The following ADNP variants were observed in gnomAD, a reference collection of about 807,000 sequenced individuals.
The protein encoded by ADNP is activity dependent neuroprotector homeobox.
A neutral mutation model predicts 84.9 loss-of-function variants in ADNP; 4 were observed. The observed-to-expected ratio is 0.05, with a 90% CI of 0.02 to 0.11. ADNP has a LOEUF of 0.11. ADNP is among the 10% of genes least tolerant of loss of function. The pLI is 1.00. For missense variants in ADNP, 1,132 were observed against 1,326.0 expected, an observed-to-expected ratio of 0.85 and a Z score of 2.27; for synonymous variants, 554 against 468.1, an observed-to-expected ratio of 1.18 and a Z score of -2.37.
At chr20:50,920,722 G>A (rs1336180949) in intron 2 of ADNP, among the ~76,000 whole-genome samples, 1 of 152,004 alleles carries the variant, frequency 6.6e-6, no homozygotes, top group Non-Finnish European at 1.5e-5. Context: ...AGGATACTGG[G>A]GTAAGAGTAA....
At position 50,894,309 on chromosome 20, in the gene ADNP, T is replaced by C. The variant is rs752831684; in HGVS notation, c.405A>G (p.Ala135=). The part of the protein sequence containing the change: ...IKIFHAPNAS[A]PSSSLSTFKD... ...TGAAAGTGCTGAGGCTGCTACTTGG[T>C]GCGCTGGCGTTCGGAGCATGAAATA... Residue 135 remains alanine, a synonymous_variant, in exon 6 of 6, where the codon GCA becomes GCG. Coordinates refer to ENST00000621696, the MANE Select transcript of ADNP (RefSeq NM_001282531.3). The C allele has an allele frequency of 6.8e-6, 11 of 1,613,830 alleles. No homozygotes were observed. Among genetic ancestry groups the C allele is most frequent in the Middle Eastern group, 1.7e-4 (1 of 6,058 alleles).
At chr20:50,898,448 T>TTGTG (rs774243454) in intron 5 of ADNP, among the ~76,000 whole-genome samples, 2 of 152,180 alleles carry the variant, frequency 1.3e-5, no homozygotes, top group Non-Finnish European at 2.9e-5. Flanking sequence ...CATCAGAAGC[T>TTGTG]TGTGTGTGTC....
At position 50,894,231 on chromosome 20, in the gene ADNP, C is replaced by T. The variant is rs148101672; in HGVS notation, c.483G>A (p.Glu161=). Residue 161 remains glutamate, a synonymous_variant, in exon 6 of 6, where the codon GAG becomes GAA. Coordinates refer to ENST00000621696, the MANE Select transcript of ADNP (RefSeq NM_001282531.3). ...GLKPKQADSV[E]QAVYYCKKCT... Reference sequence around the variant, plus strand: ...ACTTCTTACAGTAATAAACAGCTTGCTCTACACTGTCAGCCTGCTTAGGTT... The same window carrying T: ...ACTTCTTACAGTAATAAACAGCTTGTTCTACACTGTCAGCCTGCTTAGGTT... The T allele has an allele frequency of 3.1e-5, 50 of 1,613,798 alleles. No homozygotes were observed. The highest frequency in any genetic ancestry group is 3.7e-5 in the Non-Finnish European group (44 of 1,179,962).
rs6096162 is a variant in ADNP, at chr20:50,891,588, C to T, written c.3126G>A (p.Lys1042=). Residue 1042 remains lysine, a synonymous_variant, in exon 6 of 6, where the codon AAG becomes AAA. Transcript: ENST00000621696. ...ATGCATTCTTCCACTGTGACTGGTC[C>T]TTAGACCAAAACCCTTCAACTTTTC... ...SYGKVEGFWS[K]DQSQWKNASE... The T allele has an allele frequency of 2.5e-6, 4 of 1,613,266 alleles. No individual in the cohort carries two copies. The highest frequency in any genetic ancestry group is 3.4e-6 in the Non-Finnish European group (4 of 1,180,034).
intron 2 of ADNP, among the ~76,000 whole-genome samples, chr20:50,916,845 T>C (rs1222472290): frequency 1.3e-5 from 2 of 152,144 alleles, no homozygotes; most frequent in African/African-American, 4.8e-5. Flanking sequence ...GCATTCTGTT[T>C]CTGAAATGAG....
At position 50,911,091 on chromosome 20, in the gene ADNP, A is replaced by C. The variant is rs1304035186; in HGVS notation, c.-89-6242T>G. Among the ~76,000 whole-genome samples the C allele has an allele frequency of 3.3e-5, 5 of 152,334 alleles. No homozygotes were observed. The East Asian group carries it at 9.6e-4, about 29-fold the overall frequency. Reference sequence around the variant, plus strand: ...ACTAATCCAGGCCCATATCCTATTCATGTGCTTTCTTACAAAGCAAGAGTC... The same window carrying C: ...ACTAATCCAGGCCCATATCCTATTCCTGTGCTTTCTTACAAAGCAAGAGTC... On this transcript the variant is annotated intron_variant, in intron 2 of 5. Transcript: ENST00000621696.
chr20:50,910,706 G>T (rs1258494530), intron 2 of ADNP, among the ~76,000 whole-genome samples: 1 of 152,132 alleles, frequency 6.6e-6, no homozygotes, highest in African/African-American at 2.4e-5. Context: ...CCAGGCTGGA[G>T]TGCAGTGGTA....
rs746480446 is a variant in ADNP, at chr20:50,891,425, G to A, written c.3289C>T (p.Leu1097=). The change falls in exon 6 of 6, where the codon CTG becomes TTG. Residue 1097 remains leucine (L), a synonymous_variant. Coordinates refer to ENST00000621696, the MANE Select transcript of ADNP (RefSeq NM_001282531.3). ...GGCACTTAGGCCTGTTGGCTGCTCA[G>A]TTTAACTCCGGCTAAGCTGCCATGC... ...PMHGSLAGVK[L]SSQQA is the part of the protein sequence containing the mutation. 6.2e-7 allele frequency: 1 copy of A among 1,609,658 alleles called. No homozygotes were observed. Among genetic ancestry groups the A allele is most frequent in the East Asian group, 2.2e-5 (1 of 44,878 alleles).
Position 50,893,217 on chromosome 20 carries a change from G to C in ADNP, c.1497C>G (p.Pro499=), listed in dbSNP as rs754872541. Residue 499 remains proline (P), a synonymous_variant, in exon 6 of 6, where the codon CCC becomes CCG. Transcript: ENST00000621696. The surrounding 1 kb of genome is among the most constrained non-coding windows in gnomAD (Gnocchi z 4.4). Reference sequence around the variant, plus strand: ...ACATATGGTTGAGCAGAGTATCTGTGGGTAAATAGCGATTACAGTAGAGGC... The same window carrying C: ...ACATATGGTTGAGCAGAGTATCTGTCGGTAAATAGCGATTACAGTAGAGGC... ...SKCLYCNRYL[P]TDTLLNHMLI... is the part of the protein sequence containing the mutation. 4.3e-6 allele frequency: 7 copies of C among 1,614,216 alleles called. No homozygotes were observed. The Admixed American group carries it at 6.7e-5, about 15-fold the overall frequency.
In ADNP at chr20:50,894,179, T is replaced by C. The variant is rs144798768; in HGVS notation, c.535A>G (p.Ile179Val). 113 of 1,614,158 alleles carry C rather than the reference T, an allele frequency of 7.0e-5. 1 individual carries two copies. The African/African-American group carries it at 1.3e-3, about 19-fold the overall frequency. Residue 179 changes from isoleucine to valine, a missense_variant, in exon 6 of 6, where the codon ATA becomes GTA. Transcript: ENST00000621696. ...KCTYRDPLYE[I>V]VRKHIYREHF... Reference sequence around the variant, plus strand: ...TCCCTGTAAATGTGCTTCCTAACTATTTCATAAAGAGGATCTCGGTAAGTG... The same window carrying C: ...TCCCTGTAAATGTGCTTCCTAACTACTTCATAAAGAGGATCTCGGTAAGTG...
intron 2 of ADNP, among the ~76,000 whole-genome samples, chr20:50,916,354 T>G (rs1983510051): frequency 1.3e-5 from 2 of 152,220 alleles, no homozygotes; most frequent in South Asian, 4.1e-4. Context: ...CAGCTTCTGT[T>G]CACAAGTTTA....
At position 50,893,155 on chromosome 20, in the gene ADNP, G is replaced by A; in HGVS notation, c.1559C>T (p.Thr520Ile). 1 of 1,614,238 alleles carries A rather than the reference G, an allele frequency of 6.2e-7. No individual in the cohort carries two copies. Among genetic ancestry groups the A allele is most frequent in the Non-Finnish European group, 8.5e-7 (1 of 1,180,040 alleles). Residue 520 changes from threonine to isoleucine, a missense_variant, in exon 6 of 6, where the codon ACT (threonine) becomes ATT (isoleucine). This residue lies in a region of ADNP where 87 missense variants were observed against 181.4 expected (regional missense o/e 0.48). Transcript: ENST00000621696. This position sits in a 1 kb window ranked among gnomAD's most constrained non-coding sequence, Gnocchi z 4.4. The part of the protein sequence containing the change: ...HGLSCPYCRS[T>I]FNDVEKMAAH... ...GGCCATCTTTTCCACATCATTGAAA[G>A]TTGAACGGCAATATGGACAAGACAG... is the stretch of plus-strand genomic sequence containing the variant.
At chr20:50,901,907 T>A in intron 5 of ADNP, 110 bp downstream of exon 5, 2 of 846,290 alleles carry the variant, frequency 2.4e-6, no homozygotes, top group Non-Finnish European at 3.9e-6. Flanking sequence ...TTTGACACTT[T>A]CGATGTTTGG....
intron 2 of ADNP, among the ~76,000 whole-genome samples, chr20:50,925,578 G>C (rs555602329): frequency 7.2e-5 from 11 of 152,248 alleles, no homozygotes; most frequent in Non-Finnish European, 1.0e-4. Context: ...AAGCATGGAC[G>C]GTTTATCAAA....
intron 2 of ADNP, among the ~76,000 whole-genome samples, chr20:50,922,600 G>A (rs868231072): frequency 4.0e-4 from 43 of 106,584 alleles, no homozygotes; most frequent in African/African-American, 1.6e-3. Context: ...TTTTTTTAAA[G>A]ACAGAATCTC....
rs1983293208 is a variant in ADNP, at chr20:50,913,932, G to C, written c.-89-9083C>G. 5.9e-6 allele frequency: 4 copies of C among 677,420 alleles called. No individual in the cohort carries two copies. In the South Asian group the frequency reaches 6.3e-5, roughly 11 times the overall value. 42.0% of individuals were successfully genotyped at this position (677,420 alleles called of 1,614,324 possible). ...ACTTGGAGTGCCAGTGAATGATAAAGACTATGCGAGATTGGTCTCCTCTTC... is the reference window on the plus strand; with the variant it reads ...ACTTGGAGTGCCAGTGAATGATAAACACTATGCGAGATTGGTCTCCTCTTC... On this transcript the variant is annotated intron_variant, in intron 2 of 5. Coordinates refer to ENST00000621696, the MANE Select transcript of ADNP (RefSeq NM_001282531.3).
At chr20:50,920,675 G>C (rs542210558) in intron 2 of ADNP, among the ~76,000 whole-genome samples, 3 of 152,054 alleles carry the variant, frequency 2.0e-5, no homozygotes, top group Admixed American at 2.0e-4. Context: ...AATCTAAGAG[G>C]TCTGAGAAAC....
chr20:50,908,409 T>TA (rs1491327846), intron 2 of ADNP, among the ~76,000 whole-genome samples: 3 of 152,224 alleles, frequency 2.0e-5, no homozygotes, highest in African/African-American at 7.2e-5. Flanking sequence ...AGAAGGACCC[T>TA]ATGTTTCTTT....
rs1555815826 is a variant in ADNP at position 50,919,315 on chromosome 20, A to ATATATATATATATG, written c.-90+9335_-90+9336insCATATATATATATA. On this transcript the variant is annotated intron_variant, in intron 2 of 5. Transcript: ENST00000621696. ...TGTATATATATATATATATATATATATGTAAAAAGCCAGGTGTGATGGTGC... is the reference window on the plus strand; with the variant it reads ...TGTATATATATATATATATATATATATATATATATATATGTGTAAAAAGCCAGGTGTGATGGTGC... Among the ~76,000 whole-genome samples the ATATATATATATATG allele has an allele frequency of 5.4e-5, 8 of 147,522 alleles. No individual in the cohort carries two copies. The East Asian group carries it at 1.6e-3, about 29-fold the overall frequency.
Sources: gnomAD v4.1 joint callset for allele counts (sites outside exome capture counted in the v4.1 genomes callset) on GRCh38, gnomAD v4.1.1 for gene constraint, gnomAD v4.1.1 regional missense constraint, Gnocchi (gnomAD v3.1) non-coding constraint, MANE v1.5 for transcripts, NCBI Gene and HGNC (gene_info 2026-07-23, HGNC 2026-07-21) for gene names.